The following PAPSS2 variants were observed in gnomAD, a reference collection of about 807,000 sequenced individuals.
PAPSS2 encodes 3'-phosphoadenosine 5'-phosphosulfate synthase 2, also known as bifunctional 3'-phosphoadenosine 5'-phosphosulfate synthase 2.
A neutral mutation model predicts 66.5 loss-of-function variants in PAPSS2; 61 were observed. The ratio of observed to expected loss-of-function variants is 0.92; its 90% CI spans 0.75 to 1.14. The LOEUF is 1.14. PAPSS2 is among the 50% of genes most tolerant of loss of function. The pLI is 0.00. For missense variants in PAPSS2, 708 were observed against 789.6 expected (o/e 0.90, Z 1.24); for synonymous variants, 289 against 287.5 (o/e 1.01, Z -0.05).
chr10:87,726,339 A>G (rs1589438919), intron 8 of PAPSS2, among the ~76,000 whole-genome samples: 1 of 152,352 alleles, frequency 6.6e-6, no homozygotes, highest in East Asian at 1.9e-4. Context: ...CTGAGGCAGG[A>G]CAATAGCTTG....
intron 9 of PAPSS2, among the ~76,000 whole-genome samples, chr10:87,731,793 C>G (rs1481882038): frequency 6.6e-6 from 1 of 152,176 alleles, no homozygotes; most frequent in African/African-American, 2.4e-5. Context: ...TGAATTGTTG[C>G]AATCTCATGA....
At chr10:87,711,834 G>C (rs1853465478) in intron 2 of PAPSS2, among the ~76,000 whole-genome samples, 1 of 151,370 alleles carries the variant, frequency 6.6e-6, no homozygotes, top group Admixed American at 6.6e-5. Context: ...TTCTCTGTAT[G>C]AACCTCTTGG....
At chr10:87,708,580 G>A (rs1484701800) in intron 1 of PAPSS2, among the ~76,000 whole-genome samples, 1 of 152,118 alleles carries the variant, frequency 6.6e-6, no homozygotes, top group Non-Finnish European at 1.5e-5. Flanking sequence ...GACTTGGGGA[G>A]AACATGCATT....
intron 1 of PAPSS2, among the ~76,000 whole-genome samples, chr10:87,701,979 T>C (rs999974093): frequency 1.8e-4 from 28 of 152,346 alleles, no homozygotes; most frequent in African/African-American, 6.7e-4. Flanking sequence ...GAACTGGCAG[T>C]ATACAATGAG....
intron 2 of PAPSS2, among the ~76,000 whole-genome samples, chr10:87,711,476 G>A (rs757002892): frequency 2.0e-5 from 3 of 152,174 alleles, no homozygotes; most frequent in Non-Finnish European, 2.9e-5. Context: ...TCTGACATGA[G>A]AGAACACACC....
chr10:87,712,114 T>C (rs1218435092), intron 2 of PAPSS2, among the ~76,000 whole-genome samples: 1 of 152,198 alleles, frequency 6.6e-6, no homozygotes, highest in Non-Finnish European at 1.5e-5. Flanking sequence ...GGAAGCCACA[T>C]GGTAACTCTT....
At position 87,659,932 on chromosome 10, in the gene PAPSS2, G is replaced by C; in HGVS notation, c.-50G>C. 6.2e-7 allele frequency: 1 copy of C among 1,604,776 alleles called. No individual in the cohort carries two copies. Among genetic ancestry groups the C allele is most frequent in the South Asian group, 1.1e-5 (1 of 90,336 alleles). ...CCGCCGCCGCCGCCGCCGTCCCTGC[G>C]TCCTTCGGTCTCTGCTCCCGGGACC... On this transcript the variant is annotated 5_prime_UTR_variant, in exon 1 of 13. Transcript: ENST00000456849.
At chr10:87,718,559 T>C (rs925167077) in intron 7 of PAPSS2, among the ~76,000 whole-genome samples, 1 of 152,240 alleles carries the variant, frequency 6.6e-6, no homozygotes, top group African/African-American at 2.4e-5. Flanking sequence ...CCAAGTGTTT[T>C]TGGGAGTCCC....
chr10:87,729,087 C>T (rs1353177808), intron 9 of PAPSS2, among the ~76,000 whole-genome samples: 1 of 152,022 alleles, frequency 6.6e-6, no homozygotes, highest in Non-Finnish European at 1.5e-5. Flanking sequence ...ATGGTTATGT[C>T]AGCTCAGATA....
chr10:87,673,042 A>G (rs575009362), intron 1 of PAPSS2, among the ~76,000 whole-genome samples: 171 of 152,268 alleles, frequency 1.1e-3, no homozygotes, highest in African/African-American at 3.9e-3. Flanking sequence ...ATCCTTTAAG[A>G]AAAATTTGCC....
intron 1 of PAPSS2, among the ~76,000 whole-genome samples, chr10:87,700,973 A>G (rs1266167334): frequency 6.6e-6 from 1 of 151,824 alleles, no homozygotes; most frequent in African/African-American, 2.4e-5. Context: ...GGTAGCTAGA[A>G]GTTTGAAGAG....
chr10:87,701,430 C>CTCTCTCTCTCTCTCTCTCTCTT, intron 1 of PAPSS2, among the ~76,000 whole-genome samples: 1 of 73,310 alleles, frequency 1.4e-5, no homozygotes, highest in East Asian at 5.7e-4. Flanking sequence ...CTCTCTCTCT[C>CTCTCTCTCTCTCTCTCTCTCTT]TCTTTCTTTC....
intron 11 of PAPSS2, 24 bp from the exon 12 acceptor site, chr10:87,744,978 A>C: frequency 6.3e-7 from 1 of 1,598,984 alleles, no homozygotes; most frequent in Non-Finnish European, 8.6e-7. Flanking sequence ...AATGACCAGC[A>C]TGTCCCTTAT....
intron 2 of PAPSS2, 149 bp downstream of exon 2, chr10:87,709,462 T>C (rs1853439277): frequency 1.9e-6 from 1 of 536,590 alleles, no homozygotes; most frequent in Non-Finnish European, 3.4e-6. Context: ...GTGTTAGTCC[T>C]AACCCTACCA....
rs147474760 is a variant in PAPSS2 at position 87,695,767 on chromosome 10, A to T, written c.28-13429A>T. ...ATAATTAGAGAGGAAGGAGAGCAGT[A>T]GGTCCTATAAGCCCTCGTCGTCATT... On this transcript the variant is annotated intron_variant, in intron 1 of 12. Coordinates refer to ENST00000456849, the MANE Select transcript of PAPSS2 (RefSeq NM_001015880.2). Among the ~76,000 whole-genome samples the T allele has an allele frequency of 6.7e-3, 1,025 of 152,366 alleles. 18 individuals are homozygous for T. The highest frequency in any genetic ancestry group is 0.023 in the African/African-American group (951 of 41,584).
rs1437757830 is a variant in PAPSS2 at position 87,746,677 on chromosome 10, A to G, written c.*707A>G. The G allele has an allele frequency of 6.6e-6, 1 of 152,248 alleles. No individual in the cohort carries two copies. Among genetic ancestry groups the G allele is most frequent in the African/African-American group, 2.4e-5 (1 of 41,464 alleles). 9.4% of individuals were successfully genotyped at this position (152,248 alleles called of 1,614,324 possible). On this transcript the variant is annotated 3_prime_UTR_variant, in exon 13 of 13. Coordinates refer to ENST00000456849, the MANE Select transcript of PAPSS2 (RefSeq NM_001015880.2). ...AACTCCAGTTACACGGTGACTTTTA[A>G]TAGCATACAGTGATTTGATGAAAGG...
chr10:87,688,256 A>G (rs1277644373), intron 1 of PAPSS2, among the ~76,000 whole-genome samples: 1 of 151,884 alleles, frequency 6.6e-6, no homozygotes, highest in East Asian at 1.9e-4. Context: ...TTAGGCATGG[A>G]AATTATTGTT....
chr10:87,672,082 A>G (rs191148739), intron 1 of PAPSS2, among the ~76,000 whole-genome samples: 3 of 152,336 alleles, frequency 2.0e-5, no homozygotes, highest in Admixed American at 6.5e-5. Flanking sequence ...CATATTAGGT[A>G]GTTACAAGTA....
rs965299098 is a variant in PAPSS2, at chr10:87,722,840, A to T, written c.880+1070A>T. On this transcript the variant is annotated intron_variant, in intron 8 of 12. Transcript: ENST00000456849. ...CATGTAGTGTTGTAGCTACAGGCTTATAAGATCAGTTGGCATTATTACTTG... is the reference window on the plus strand; with the variant it reads ...CATGTAGTGTTGTAGCTACAGGCTTTTAAGATCAGTTGGCATTATTACTTG... 2.6e-5 allele frequency among the ~76,000 whole-genome samples: 4 copies of T among 152,254 alleles called. No individual in the cohort carries two copies. The East Asian group carries it at 7.7e-4, about 29-fold the overall frequency.
Sources: allele counts gnomAD v4.1 joint callset (sites outside exome capture counted in the v4.1 genomes callset), GRCh38; gene constraint gnomAD v4.1.1; transcripts MANE v1.5; gene names NCBI Gene and HGNC (gene_info 2026-07-23, HGNC 2026-07-21).